Variants in CACHD1 observed in about 807,000 individuals in gnomAD.
The protein encoded by CACHD1 is cache domain containing 1.
Under a neutral mutation model 138.7 loss-of-function variants are expected in CACHD1, and 71 were observed. The observed-to-expected ratio is 0.51, with a 90% CI of 0.42 to 0.62. The LOEUF is 0.62. CACHD1 is among the 20% of genes least tolerant of loss of function. The probability of loss-of-function intolerance (pLI) is 0.00; values close to 1 mark genes in which losing one functional copy is unlikely to be tolerated. For missense variants in CACHD1, 1,389 were observed against 1,625.3 expected, an observed-to-expected ratio of 0.85 and a Z score of 2.50; for synonymous variants, 578 against 591.5, an observed-to-expected ratio of 0.98 and a Z score of 0.33.
chr1:64,685,943 C>G (rs904341326), intron 26 of CACHD1, among the ~76,000 whole-genome samples: 1 of 152,092 alleles, frequency 6.6e-6, no homozygotes, highest in Non-Finnish European at 1.5e-5. Context: ...GACCTCCCTA[C>G]CTCTGTGCCC....
intron 1 of CACHD1, among the ~76,000 whole-genome samples, chr1:64,522,865 G>A (rs942868258): frequency 6.6e-6 from 1 of 152,182 alleles, no homozygotes; most frequent in Non-Finnish European, 1.5e-5. Flanking sequence ...TTATTCTGGT[G>A]TGGTATCCCT....
chr1:64,555,611 G>A (rs1646791322), intron 2 of CACHD1, among the ~76,000 whole-genome samples: 1 of 152,074 alleles, frequency 6.6e-6, no homozygotes, highest in Admixed American at 6.5e-5. Flanking sequence ...AGTAGAGATG[G>A]GGTTTTGCCA....
chr1:64,641,228 T>C (rs1570443072), intron 7 of CACHD1, among the ~76,000 whole-genome samples: 1 of 148,052 alleles, frequency 6.8e-6, no homozygotes, highest in South Asian at 2.2e-4. Flanking sequence ...TTGCCTCAAT[T>C]ACCCAGACAC....
chr1:64,517,524 G>A (rs909365588), intron 1 of CACHD1, among the ~76,000 whole-genome samples: 1 of 152,136 alleles, frequency 6.6e-6, no homozygotes, highest in Admixed American at 6.6e-5. Flanking sequence ...TGATAATTGA[G>A]CAAGAACTCA....
intron 7 of CACHD1, among the ~76,000 whole-genome samples, chr1:64,635,496 G>C (rs1215201954): frequency 6.7e-6 from 1 of 148,430 alleles, no homozygotes; most frequent in African/African-American, 2.5e-5. Flanking sequence ...CGATTCTCCT[G>C]CCTCAGCCTC....
intron 1 of CACHD1, among the ~76,000 whole-genome samples, chr1:64,489,080 T>C (rs568808366): frequency 1.2e-4 from 18 of 152,268 alleles, no homozygotes; most frequent in Admixed American, 4.6e-4. Flanking sequence ...CCCTGGAGGA[T>C]TGTGTTTCAG....
intron 1 of CACHD1, among the ~76,000 whole-genome samples, chr1:64,535,351 GTTTT>G (rs1487636595): frequency 1.4e-5 from 2 of 144,212 alleles, no homozygotes; most frequent in African/African-American, 5.4e-5. Context: ...TTGAGATAGA[GTTTT>G]GCTCTTGTTG....
intron 14 of CACHD1, chr1:64,664,168 G>A (rs1463601941): frequency 1.1e-5 from 5 of 446,694 alleles, no homozygotes; most frequent in South Asian, 4.0e-5. Context: ...GCTGTCTCTC[G>A]AGATAAATAT....
intron 4 of CACHD1, among the ~76,000 whole-genome samples, chr1:64,627,442 T>A (rs1048858483): frequency 5.9e-5 from 9 of 152,020 alleles, no homozygotes; most frequent in African/African-American, 2.2e-4. Flanking sequence ...AGAATAGGAA[T>A]TCAGTCCTGC....
chr1:64,552,470 TG>T (rs1172312965), intron 2 of CACHD1, among the ~76,000 whole-genome samples: 72 of 96,266 alleles, frequency 7.5e-4, no homozygotes, highest in Admixed American at 5.8e-3. Flanking sequence ...TATTTTGTTT[TG>T]TTTTTTTTTT....
At chr1:64,478,597 TG>T (rs1372532045) in intron 1 of CACHD1, among the ~76,000 whole-genome samples, 1 of 152,160 alleles carries the variant, frequency 6.6e-6, no homozygotes, top group Non-Finnish European at 1.5e-5. Flanking sequence ...GGACATCCAG[TG>T]CCTCCCCCTA....
chr1:64,546,095 C>T (rs72673334), intron 1 of CACHD1, among the ~76,000 whole-genome samples: 2,457 of 152,194 alleles, frequency 0.016, 29 homozygotes, highest in Non-Finnish European at 0.022. Context: ...CAGGGATTTG[C>T]AAAGTGAGGA....
At chr1:64,542,268 G>T (rs1298441964) in intron 1 of CACHD1, among the ~76,000 whole-genome samples, 1 of 152,084 alleles carries the variant, frequency 6.6e-6, no homozygotes, top group Non-Finnish European at 1.5e-5. Context: ...GTGTACCTGG[G>T]CGTACAGTTT....
chr1:64,658,755 A>C lies in CACHD1; in HGVS notation c.1833A>C (p.Ile611=). Residue 611 remains isoleucine (I), a synonymous_variant, in exon 13 of 27, where the codon ATA becomes ATC. Coordinates refer to ENST00000651257, the MANE Select transcript of CACHD1 (RefSeq NM_020925.4). The part of the protein sequence containing the change: ...ILCIVVIQPE[I]PVKQLKNLNT... ...GTATTGTGGTGATACAACCAGAAATACCTGTGAAACAACTGAAGAACCTCA... is the reference window on the plus strand; with the variant it reads ...GTATTGTGGTGATACAACCAGAAATCCCTGTGAAACAACTGAAGAACCTCA... 6.2e-7 allele frequency: 1 copy of C among 1,611,612 alleles called. No individual in the cohort carries two copies. The highest frequency in any genetic ancestry group is 1.1e-5 in the South Asian group (1 of 90,576).
rs1649521318 is a variant in CACHD1 at position 64,663,566 on chromosome 1, GAAAA to G, written c.1952-125_1952-122del. 6 of 977,196 alleles carry G rather than the reference GAAAA, an allele frequency of 6.1e-6. No homozygotes were observed. In the South Asian group the frequency reaches 1.1e-4, roughly 18 times the overall value. The allele number at this position is 977,196 out of a possible 1,614,324, so 60.5% of individuals were successfully genotyped here. ...ACTCCATCTGAAAAAAAAAAAAAAAGAAAAAAAGGAAAAAAAAAGACATTAAGCC... is the reference window on the plus strand; with the variant it reads ...ACTCCATCTGAAAAAAAAAAAAAAAGAAAGGAAAAAAAAAGACATTAAGCC... On this transcript the variant is annotated intron_variant, in intron 13 of 26. Coordinates refer to ENST00000651257, the MANE Select transcript of CACHD1 (RefSeq NM_020925.4).
intron 1 of CACHD1, among the ~76,000 whole-genome samples, chr1:64,491,009 G>T (rs1481266507): frequency 6.6e-6 from 1 of 152,084 alleles, no homozygotes; most frequent in East Asian, 1.9e-4. Context: ...AAAAATCTTT[G>T]CTTAAATAAT....
chr1:64,594,140 G>A (rs776962966), intron 3 of CACHD1, among the ~76,000 whole-genome samples: 2 of 151,916 alleles, frequency 1.3e-5, no homozygotes, highest in Non-Finnish European at 2.9e-5. Flanking sequence ...TGTAATCCCA[G>A]CTAGTTGGGA....
At chr1:64,567,211 A>G (rs922795567) in intron 2 of CACHD1, among the ~76,000 whole-genome samples, 1 of 152,150 alleles carries the variant, frequency 6.6e-6, no homozygotes, top group Non-Finnish European at 1.5e-5. Context: ...AGGAAGAGAA[A>G]CAAAGAGCTT....
chr1:64,687,175 T>C (rs866723510), intron 26 of CACHD1, among the ~76,000 whole-genome samples: 2 of 152,238 alleles, frequency 1.3e-5, no homozygotes, highest in African/African-American at 4.8e-5. Context: ...AAATATCCTT[T>C]GTGTTTCAAA....
Sources: allele counts gnomAD v4.1 joint callset (sites outside exome capture counted in the v4.1 genomes callset), GRCh38; gene constraint gnomAD v4.1.1; transcripts MANE v1.5; gene names NCBI Gene and HGNC (gene_info 2026-07-23, HGNC 2026-07-21).